ESRRG: variants seen among roughly 807,000 people sequenced by gnomAD.
The protein encoded by ESRRG is estrogen related receptor gamma.
In ESRRG, 13 loss-of-function variants were observed where a neutral mutation model predicts 44.0. That is an observed-to-expected ratio of 0.30 (90% CI 0.19 to 0.47). The LOEUF is 0.47. ESRRG is among the 20% of genes least tolerant of loss of function. The pLI is 1.00. For synonymous variants in ESRRG, 215 were observed against 214.6 expected, an observed-to-expected ratio of 1.00 and a Z score of -0.02; for missense variants, 395 against 580.6, an observed-to-expected ratio of 0.68 and a Z score of 3.29.
chr1:217,104,637 C>T (rs2092564317), intron 1 of ESRRG, among the ~76,000 whole-genome samples: 1 of 152,058 alleles, frequency 6.6e-6, no homozygotes, highest in Admixed American at 6.5e-5. Flanking sequence ...GACTGGTCCC[C>T]AAGCAAGGTC....
intron 2 of ESRRG, among the ~76,000 whole-genome samples, chr1:216,801,480 C>T (rs1317565427): frequency 6.6e-6 from 1 of 152,298 alleles, no homozygotes; most frequent in African/African-American, 2.4e-5. Flanking sequence ...CTGTATTCAA[C>T]TTTTCTTTTT....
chr1:216,764,570 A>T (rs75972262), intron 2 of ESRRG, among the ~76,000 whole-genome samples: 4 of 144,580 alleles, frequency 2.8e-5, no homozygotes, highest in Non-Finnish European at 4.7e-5. Context: ...TGCCCGGCCC[A>T]GGGGGGGACT....
intron 3 of ESRRG, among the ~76,000 whole-genome samples, chr1:216,610,856 A>G (rs999053425): frequency 5.3e-5 from 8 of 152,180 alleles, no homozygotes; most frequent in African/African-American, 1.9e-4. Flanking sequence ...GTGGTTAAGT[A>G]AGTGCCCAGG....
chr1:217,025,798 C>A (rs2081093040), intron 1 of ESRRG, among the ~76,000 whole-genome samples: 1 of 152,094 alleles, frequency 6.6e-6, no homozygotes, highest in African/African-American at 2.4e-5. Flanking sequence ...GAGGAAGGGC[C>A]CTGCCAATGT....
intron 1 of ESRRG, among the ~76,000 whole-genome samples, chr1:217,132,676 C>T (rs2092981782): frequency 6.6e-6 from 1 of 152,006 alleles, no homozygotes. Flanking sequence ...GGCACAGGTA[C>T]CCACTTCTGT....
chr1:216,523,341 T>C (rs987139161), intron 5 of ESRRG, among the ~76,000 whole-genome samples: 9 of 152,090 alleles, frequency 5.9e-5, no homozygotes, highest in African/African-American at 2.2e-4. Context: ...GGGAATAACA[T>C]CATTTGGAAG....
At position 216,702,039 on chromosome 1, in the gene ESRRG, C is replaced by T. The variant is rs535944898; in HGVS notation, c.56+21205G>A. On this transcript the variant is annotated intron_variant, in intron 1 of 6. Transcript: ENST00000408911. ...TTTTGGTTCTAATGAAATCACTAGA[C>T]TTACCAATTTGCTAGATAATTATAA... is the stretch of plus-strand genomic sequence containing the variant. 1.7e-4 allele frequency among the ~76,000 whole-genome samples: 26 copies of T among 152,278 alleles called. 1 individual carries two copies. The South Asian group carries it at 5.4e-3, about 32-fold the overall frequency.
At chr1:216,689,998 G>A (rs1004044629) in intron 1 of ESRRG, among the ~76,000 whole-genome samples, 1 of 152,004 alleles carries the variant, frequency 6.6e-6, no homozygotes, top group African/African-American at 2.4e-5. Flanking sequence ...TGCAGCAACT[G>A]AAAATCACAT....
chr1:217,077,309 C>T (rs1580448574), intron 1 of ESRRG, among the ~76,000 whole-genome samples: 2 of 152,250 alleles, frequency 1.3e-5, no homozygotes, highest in Admixed American at 1.3e-4. Flanking sequence ...AGTATTGTTG[C>T]ATATTAAAAA....
intron 2 of ESRRG, among the ~76,000 whole-genome samples, chr1:216,901,457 T>A (rs2059063416): frequency 6.6e-6 from 1 of 150,460 alleles, no homozygotes; most frequent in Non-Finnish European, 1.5e-5. Context: ...AGCCTCGACC[T>A]CCCAGACTCA....
chr1:216,650,034 C>T (rs1037939514), intron 3 of ESRRG, among the ~76,000 whole-genome samples: 26 of 152,164 alleles, frequency 1.7e-4, no homozygotes, highest in African/African-American at 5.5e-4. Flanking sequence ...ACAGAAGTTA[C>T]ACATTTAAAT....
chr1:216,994,464 A>AACAC (rs112022176), intron 1 of ESRRG, among the ~76,000 whole-genome samples: 17 of 150,964 alleles, frequency 1.1e-4, no homozygotes, highest in African/African-American at 2.4e-4. Flanking sequence ...CATGTGTGTA[A>AACAC]ACACACACAC....
chr1:217,116,344 T>G (rs945685767), intron 1 of ESRRG, among the ~76,000 whole-genome samples: 2 of 152,156 alleles, frequency 1.3e-5, no homozygotes, highest in African/African-American at 4.8e-5. Flanking sequence ...CAAACCAAAC[T>G]ATTAACAATC....
chr1:217,077,733 C>T (rs763015783), intron 1 of ESRRG, among the ~76,000 whole-genome samples: 11 of 152,164 alleles, frequency 7.2e-5, no homozygotes, highest in Non-Finnish European at 1.3e-4. Flanking sequence ...GTTTTGAGAG[C>T]AAGAACAGTA....
intron 1 of ESRRG, among the ~76,000 whole-genome samples, chr1:217,071,564 T>C (rs909235305): frequency 1.3e-5 from 2 of 152,236 alleles, no homozygotes; most frequent in African/African-American, 2.4e-5. Context: ...GATACTATTA[T>C]GTGAAAACTA....
intron 2 of ESRRG, among the ~76,000 whole-genome samples, chr1:216,914,015 G>A (rs1336529247): frequency 6.6e-6 from 1 of 152,076 alleles, no homozygotes; most frequent in Non-Finnish European, 1.5e-5. Flanking sequence ...TGACAACATG[G>A]AAAGTACCGG....
chr1:216,611,262 C>T (rs570630363), intron 3 of ESRRG, among the ~76,000 whole-genome samples: 15 of 146,556 alleles, frequency 1.0e-4, no homozygotes, highest in Middle Eastern at 3.8e-3. Flanking sequence ...GTTTGGCACA[C>T]GGCAGGTATT....
chr1:216,638,299 G>T (rs571907102), intron 3 of ESRRG, among the ~76,000 whole-genome samples: 21 of 152,210 alleles, frequency 1.4e-4, no homozygotes, highest in African/African-American at 4.8e-4. Flanking sequence ...CATAGGTAAG[G>T]CTTAAAAAGG....
At chr1:216,782,454 G>A (rs2093970164) in intron 2 of ESRRG, among the ~76,000 whole-genome samples, 1 of 152,002 alleles carries the variant, frequency 6.6e-6, no homozygotes, top group Non-Finnish European at 1.5e-5. Context: ...ACACAGAGAA[G>A]ATAGAGGACA....
Sources: gnomAD v4.1 joint callset for allele counts (sites outside exome capture counted in the v4.1 genomes callset) on GRCh38, gnomAD v4.1.1 for gene constraint, MANE v1.5 for transcripts, NCBI Gene and HGNC (gene_info 2026-07-23, HGNC 2026-07-21) for gene names.